SYNDIG1: variants seen among roughly 807,000 people sequenced by gnomAD.
The protein encoded by SYNDIG1 is synapse differentiation-inducing gene protein 1.
SYNDIG1 carries 9 observed loss-of-function variants against 19.4 expected under a neutral mutation model. The observed-to-expected ratio is 0.46, with a 90% CI of 0.28 to 0.81. The LOEUF (loss-of-function observed/expected upper bound fraction) is 0.81, where lower values mean the gene tolerates loss of function less well. SYNDIG1 is among the 30% of genes least tolerant of loss of function. SYNDIG1 has a pLI of 0.12. For synonymous variants in SYNDIG1, 141 were observed against 145.9 expected (o/e 0.97, Z 0.24); for missense variants, 311 against 343.3 (o/e 0.91, Z 0.74).
intron 3 of SYNDIG1, among the ~76,000 whole-genome samples, chr20:24,656,724 A>G (rs2059529251): frequency 6.6e-6 from 1 of 152,190 alleles, no homozygotes; most frequent in African/African-American, 2.4e-5. Flanking sequence ...CTCGCACTTG[A>G]GCAGTGCCAG....
At chr20:24,580,110 C>T (rs1006208456) in intron 2 of SYNDIG1, among the ~76,000 whole-genome samples, 3 of 152,158 alleles carry the variant, frequency 2.0e-5, no homozygotes, top group Non-Finnish European at 4.4e-5. Context: ...ATTGCAGACT[C>T]CTTCGCAATG....
chr20:24,630,405 T>C (rs117676097), intron 3 of SYNDIG1, among the ~76,000 whole-genome samples: 2 of 152,326 alleles, frequency 1.3e-5, no homozygotes, highest in East Asian at 3.9e-4. Flanking sequence ...ATTTCCCTCC[T>C]TCCCACCTAG....
intron 3 of SYNDIG1, among the ~76,000 whole-genome samples, chr20:24,655,698 A>G (rs2059517816): frequency 6.6e-6 from 1 of 152,094 alleles, no homozygotes; most frequent in Admixed American, 6.6e-5. Context: ...TATTTTAGAA[A>G]CTAAATATAT....
At chr20:24,566,474 C>A (rs999581531) in intron 2 of SYNDIG1, among the ~76,000 whole-genome samples, 1 of 152,176 alleles carries the variant, frequency 6.6e-6, no homozygotes, top group Admixed American at 6.5e-5. Context: ...CAAAGCCCTG[C>A]GGGTATCCTG....
intron 1 of SYNDIG1, among the ~76,000 whole-genome samples, chr20:24,505,408 GA>G (rs1348751896): frequency 6.6e-6 from 1 of 152,166 alleles, no homozygotes; most frequent in African/African-American, 2.4e-5. Context: ...CCTCAGCGGG[GA>G]AGAGGGGGGC....
chr20:24,610,454 G>T lies in SYNDIG1; in HGVS notation c.618+25461G>T, dbSNP rs554510057. ...TTTATGCATGTAGCTCTGCACACGG[G>T]GGGGCGAGTGCTAATCAGCCAGAAT... On this transcript the variant is annotated intron_variant, in intron 3 of 3. Coordinates refer to ENST00000376862, the MANE Select transcript of SYNDIG1 (RefSeq NM_024893.3). 3.9e-5 allele frequency among the ~76,000 whole-genome samples: 6 copies of T among 152,314 alleles called. No homozygotes were observed. In the East Asian group the frequency reaches 5.8e-4, roughly 15 times the overall value.
intron 1 of SYNDIG1, among the ~76,000 whole-genome samples, chr20:24,535,832 C>T (rs1600551275): frequency 6.6e-6 from 1 of 152,088 alleles, no homozygotes; most frequent in East Asian, 1.9e-4. Context: ...CATGGCCTCC[C>T]CTGGCTCTAT....
intron 2 of SYNDIG1, among the ~76,000 whole-genome samples, chr20:24,572,572 G>T (rs2058161989): frequency 6.6e-6 from 1 of 152,196 alleles, no homozygotes; most frequent in African/African-American, 2.4e-5. Flanking sequence ...GAGTAAGGTG[G>T]TTCTCATTCA....
At chr20:24,502,540 G>C (rs141365061) in intron 1 of SYNDIG1, among the ~76,000 whole-genome samples, 39 of 152,302 alleles carry the variant, frequency 2.6e-4, no homozygotes, top group African/African-American at 9.4e-4. Flanking sequence ...CCTCACCCTT[G>C]AATCTTCCCT....
intron 2 of SYNDIG1, among the ~76,000 whole-genome samples, chr20:24,548,590 GAA>G (rs2057638659): frequency 6.6e-6 from 1 of 152,252 alleles, no homozygotes; most frequent in Non-Finnish European, 1.5e-5. Flanking sequence ...AGAGGAAAGA[GAA>G]AGAGTTCAGA....
intron 3 of SYNDIG1, among the ~76,000 whole-genome samples, chr20:24,643,627 G>T (rs764544347): frequency 1.3e-4 from 20 of 152,314 alleles, no homozygotes; most frequent in African/African-American, 4.6e-4. Flanking sequence ...TCATAAATTT[G>T]TAATACAGTT....
At chr20:24,563,963 G>T (rs2057993039) in intron 2 of SYNDIG1, among the ~76,000 whole-genome samples, 1 of 152,098 alleles carries the variant, frequency 6.6e-6, no homozygotes, top group Non-Finnish European at 1.5e-5. Flanking sequence ...CATCTCTGTG[G>T]CTGCAACACC....
At position 24,574,626 on chromosome 20, in the gene SYNDIG1, C is replaced by CT. The variant is rs1568653847; in HGVS notation, c.481-10228dup. On this transcript the variant is annotated intron_variant, in intron 2 of 3. Coordinates refer to ENST00000376862, the MANE Select transcript of SYNDIG1 (RefSeq NM_024893.3). ...ATGGGTGAACTCAATGAAGGAACTT[C>CT]TTATCCTACTCTAACCATTGGATTA... is the stretch of plus-strand genomic sequence containing the variant. Among the ~76,000 whole-genome samples the CT allele has an allele frequency of 2.6e-5, 4 of 152,348 alleles. No individual in the cohort carries two copies. The South Asian group carries it at 8.3e-4, about 32-fold the overall frequency.
intron 3 of SYNDIG1, among the ~76,000 whole-genome samples, chr20:24,597,815 G>A (rs558277582): frequency 1.1e-4 from 16 of 152,290 alleles, no homozygotes; most frequent in Non-Finnish European, 2.1e-4. Flanking sequence ...CGGTGTGCAA[G>A]AATCAGAGCA....
intron 1 of SYNDIG1, among the ~76,000 whole-genome samples, chr20:24,527,600 T>C (rs2057155000): frequency 6.6e-6 from 1 of 151,978 alleles, no homozygotes; most frequent in Non-Finnish European, 1.5e-5. Flanking sequence ...TTGTGCATGA[T>C]GATCTTTCTC....
At chr20:24,535,070 T>C (rs1314292436) in intron 1 of SYNDIG1, among the ~76,000 whole-genome samples, 1 of 152,190 alleles carries the variant, frequency 6.6e-6, no homozygotes, top group African/African-American at 2.4e-5. Context: ...TTTAGGAAGC[T>C]TCCAACATGC....
chr20:24,662,157 G>A (rs6036864), intron 3 of SYNDIG1, among the ~76,000 whole-genome samples: 22 of 151,744 alleles, frequency 1.4e-4, no homozygotes, highest in East Asian at 1.4e-3. Context: ...CAGTTCTAAC[G>A]GTGACAACTT....
chr20:24,516,944 A>G (rs1453999595), intron 1 of SYNDIG1, among the ~76,000 whole-genome samples: 1 of 152,228 alleles, frequency 6.6e-6, no homozygotes. Flanking sequence ...AATGTGGCCC[A>G]TATACACTAG....
chr20:24,508,777 T>A (rs1362017246), intron 1 of SYNDIG1, among the ~76,000 whole-genome samples: 1 of 151,608 alleles, frequency 6.6e-6, no homozygotes, highest in African/African-American at 2.4e-5. Flanking sequence ...AAACCATGAG[T>A]GTGCACCAGC....
Sources: gnomAD v4.1 joint callset for allele counts (sites outside exome capture counted in the v4.1 genomes callset) on GRCh38, gnomAD v4.1.1 for gene constraint, MANE v1.5 for transcripts, NCBI Gene and HGNC (gene_info 2026-07-23, HGNC 2026-07-21) for gene names.